ERBB4: variants seen among roughly 807,000 people sequenced by gnomAD.
The protein encoded by ERBB4 is erb-b2 receptor tyrosine kinase 4.
ERBB4 carries 42 observed loss-of-function variants against 158.0 expected under a neutral mutation model. That is an observed-to-expected ratio of 0.27 (90% confidence interval 0.21 to 0.34). ERBB4 has a LOEUF of 0.34. Among genes scored for constraint, ERBB4 ranks in the 10% least tolerant of loss-of-function variants. The probability of loss-of-function intolerance (pLI) is 1.00; values close to 1 mark genes in which losing one functional copy is unlikely to be tolerated. For missense variants in ERBB4, 1,333 were observed against 1,624.1 expected, an observed-to-expected ratio of 0.82 and a Z score of 3.08; for synonymous variants, 583 against 558.7, an observed-to-expected ratio of 1.04 and a Z score of -0.61.
At chr2:211,687,676 C>CT (rs758725927) in intron 12 of ERBB4, among the ~76,000 whole-genome samples, 164 of 151,744 alleles carry the variant, frequency 1.1e-3, no homozygotes, top group Non-Finnish European at 1.9e-3. Context: ...TTTGTTGGGG[C>CT]TTTTTTTTAT....
At chr2:211,773,598 TTA>T (rs1171015959) in intron 4 of ERBB4, among the ~76,000 whole-genome samples, 865 of 29,624 alleles carry the variant, frequency 0.029, 7 homozygotes, top group East Asian at 0.05. Flanking sequence ...TTCTGTAACT[TTA>T]TATATATATA....
Position 211,665,477 on chromosome 2 carries a change from C to G in ERBB4, c.1717G>C (p.Gly573Arg), listed in dbSNP as rs750966942. ...GAGCACTTTGTACAGTTGTCAGGAC[C>G]CTGAAATGTGAAAACGAAAAAAAAA... ...EDGLLTCHGP[G>R]PDNCTKCSHF... Residue 573 changes from glycine to arginine, a missense_variant and splice_region_variant, in exon 15 of 28, where the codon GGT (glycine) becomes CGT (arginine). Physicochemically the swap from Gly to Arg is moderately radical, Grantham distance 125 (BLOSUM62 -2). This residue lies in a region of ERBB4 where 245 missense variants were observed against 247.5 expected (regional missense o/e 0.99). Coordinates refer to ENST00000342788, the MANE Select transcript of ERBB4 (RefSeq NM_005235.3). The G allele has an allele frequency of 6.2e-7, 1 of 1,613,678 alleles. No homozygotes were observed. The highest frequency in any genetic ancestry group is 1.1e-5 in the South Asian group (1 of 91,066).
At chr2:211,677,894 A>C (rs533859978) in intron 13 of ERBB4, among the ~76,000 whole-genome samples, 2 of 152,178 alleles carry the variant, frequency 1.3e-5, no homozygotes, top group South Asian at 4.1e-4. Flanking sequence ...AAAAGTAAAA[A>C]TAAAAATAAA....
At chr2:211,625,067 T>C (rs2069788533) in intron 17 of ERBB4, among the ~76,000 whole-genome samples, 1 of 151,320 alleles carries the variant, frequency 6.6e-6, no homozygotes, top group African/African-American at 2.4e-5. Context: ...CACTGGCATA[T>C]GTGAGAAAAA....
At chr2:212,277,379 A>G (rs916947389) in intron 1 of ERBB4, among the ~76,000 whole-genome samples, 1 of 151,088 alleles carries the variant, frequency 6.6e-6, no homozygotes, top group South Asian at 2.1e-4. Flanking sequence ...GAGCTAATAT[A>G]ATGGAACTTG....
rs909379448 is a variant in ERBB4 at position 211,380,862 on chromosome 2, T to C, written c.*2753A>G. The C allele has an allele frequency of 4.3e-6, 1 of 231,884 alleles. No individual in the cohort carries two copies. The highest frequency in any genetic ancestry group is 8.5e-6 in the Non-Finnish European group (1 of 117,310). The allele number at this position is 231,884 out of a possible 1,614,324, so 14.4% of individuals were successfully genotyped here. A position where few individuals can be genotyped will look rare whatever the true frequency, so the allele number is the denominator to read the frequency against. On this transcript the variant is annotated 3_prime_UTR_variant, in exon 28 of 28. Transcript: ENST00000342788. ...TGTTACCTTAACAGTTAAAAGTTTG[T>C]TTTAACTATTCATTTTTTCCTTCTC...
chr2:211,845,662 C>T (rs1173991470), intron 3 of ERBB4, among the ~76,000 whole-genome samples: 1 of 152,046 alleles, frequency 6.6e-6, no homozygotes, highest in Non-Finnish European at 1.5e-5. Context: ...TTAGTACATC[C>T]AACTTTTGTA....
At chr2:212,373,826 T>TATATATATATCTATGTATATATCC (rs1553627614) in intron 1 of ERBB4, among the ~76,000 whole-genome samples, 1 of 40,580 alleles carries the variant, frequency 2.5e-5, no homozygotes, top group Non-Finnish European at 4.9e-5. Flanking sequence ...TATATATCCA[T>TATATATATATCTATGTATATATCC]ATATATATAT....
intron 3 of ERBB4, among the ~76,000 whole-genome samples, chr2:211,889,366 CAGAA>C (rs2078901768): frequency 6.9e-6 from 1 of 145,774 alleles, no homozygotes; most frequent in Non-Finnish European, 1.5e-5. Context: ...AACTAACAAA[CAGAA>C]AGGACATCCA....
At chr2:211,535,630 G>T in intron 20 of ERBB4, 1 of 146,776 alleles carries the variant, frequency 6.8e-6, no homozygotes. Context: ...CACATGTGTT[G>T]TGTATAGAAA....
chr2:212,446,172 T>C (rs1252250743), intron 1 of ERBB4, among the ~76,000 whole-genome samples: 1 of 152,082 alleles, frequency 6.6e-6, no homozygotes, highest in East Asian at 1.9e-4. Context: ...CAGATCTGTA[T>C]GGGTTCAAGT....
At chr2:212,284,751 TTTAG>T (rs577191753) in intron 1 of ERBB4, among the ~76,000 whole-genome samples, 4 of 152,000 alleles carry the variant, frequency 2.6e-5, no homozygotes, top group Non-Finnish European at 5.9e-5. Context: ...TTTCTTCCTC[TTTAG>T]TTATTTTATT....
At chr2:212,414,663 C>T (rs1013870517) in intron 1 of ERBB4, among the ~76,000 whole-genome samples, 2 of 152,150 alleles carry the variant, frequency 1.3e-5, no homozygotes, top group African/African-American at 4.8e-5. Flanking sequence ...CTTCCTGGTC[C>T]TGCAATATGC....
chr2:211,438,913 A>G (rs1350568651), intron 20 of ERBB4, among the ~76,000 whole-genome samples: 3 of 152,112 alleles, frequency 2.0e-5, no homozygotes, highest in Non-Finnish European at 4.4e-5. Flanking sequence ...TGTCCTTTTA[A>G]TAATATATAA....
intron 2 of ERBB4, among the ~76,000 whole-genome samples, chr2:212,092,901 A>T (rs2078822725): frequency 6.6e-6 from 1 of 152,180 alleles, no homozygotes; most frequent in Non-Finnish European, 1.5e-5. Flanking sequence ...TGGCACGTGT[A>T]TACCAATGTA....
At chr2:211,689,531 C>T (rs1040507846) in intron 12 of ERBB4, among the ~76,000 whole-genome samples, 5 of 152,044 alleles carry the variant, frequency 3.3e-5, no homozygotes, top group Non-Finnish European at 7.4e-5. Context: ...CTTATATCAC[C>T]AGTTCCCAAA....
At chr2:212,379,496 A>C (rs2090433401) in intron 1 of ERBB4, among the ~76,000 whole-genome samples, 1 of 151,706 alleles carries the variant, frequency 6.6e-6, no homozygotes, top group Non-Finnish European at 1.5e-5. Context: ...ATTTGTGTAG[A>C]CTACCTTTAC....
At chr2:212,163,523 G>A (rs1405810561) in intron 1 of ERBB4, among the ~76,000 whole-genome samples, 2 of 151,978 alleles carry the variant, frequency 1.3e-5, no homozygotes, top group Admixed American at 6.6e-5. Flanking sequence ...AACAGGTAAT[G>A]AGAATTCTAT....
At chr2:211,835,913 T>C (rs1240477082) in intron 3 of ERBB4, among the ~76,000 whole-genome samples, 1 of 151,884 alleles carries the variant, frequency 6.6e-6, no homozygotes, top group Non-Finnish European at 1.5e-5. Context: ...TTGAATACCT[T>C]GGGGTTGCAG....
Sources: gnomAD v4.1 joint callset for allele counts (sites outside exome capture counted in the v4.1 genomes callset) on GRCh38, gnomAD v4.1.1 for gene constraint, gnomAD v4.1.1 regional missense constraint, MANE v1.5 for transcripts, NCBI Gene and HGNC (gene_info 2026-07-23, HGNC 2026-07-21) for gene names.